DGAT2: variants seen among roughly 807,000 people sequenced by gnomAD.
DGAT2 encodes acyl-CoA retinol O-fatty-acyltransferase.
DGAT2 carries 33 observed loss-of-function variants against 48.4 expected under a neutral mutation model. The observed-to-expected ratio is 0.68, with a 90% confidence interval of 0.52 to 0.91. The LOEUF is 0.91. DGAT2 is among the 40% of genes least tolerant of loss of function. DGAT2 has a pLI of 0.00. For missense variants in DGAT2, 446 were observed against 493.7 expected (o/e 0.90, Z 0.92); for synonymous variants, 191 against 194.1 (o/e 0.98, Z 0.13).
rs140793537 is a variant in DGAT2, at chr11:75,798,307, G to A, written c.890G>A (p.Arg297Gln). The A allele has an allele frequency of 2.9e-3, 4,691 of 1,614,168 alleles. 11 individuals are homozygous for A. The highest frequency in any genetic ancestry group is 3.5e-3 in the Non-Finnish European group (4,121 of 1,180,024). The change falls in exon 7 of 8, where the codon CGA becomes CAA. Residue 297 changes from arginine to glutamine, a missense_variant. Transcript: ENST00000228027. ...QVIFEEGSWG[R>Q]WVQKKFQKYI... ...ATCTTCGAGGAGGGCTCCTGGGGCC[G>A]ATGGGTCCAGAAGAAGTTCCAGAAA...
At chr11:75,791,266 A>T (rs1944986396) in intron 4 of DGAT2, among the ~76,000 whole-genome samples, 1 of 152,128 alleles carries the variant, frequency 6.6e-6, no homozygotes, top group Non-Finnish European at 1.5e-5. Context: ...AGTGACTGAG[A>T]TCCTGGTGTG....
intron 1 of DGAT2, among the ~76,000 whole-genome samples, chr11:75,771,823 ATGT>A (rs1368116241): frequency 6.6e-6 from 1 of 152,116 alleles, no homozygotes; most frequent in Non-Finnish European, 1.5e-5. Flanking sequence ...GCCAAGAGTA[ATGT>A]TGTATTAACA....
At position 75,801,425 on chromosome 11, in the gene DGAT2, G is replaced by C. The variant is rs183018251; in HGVS notation, c.*917G>C. 1 of 152,662 alleles carries C rather than the reference G, an allele frequency of 6.6e-6. No homozygotes were observed. The highest frequency in any genetic ancestry group is 2.4e-5 in the African/African-American group (1 of 41,432). 9.5% of individuals were successfully genotyped at this position (152,662 alleles called of 1,614,324 possible). A position where few individuals can be genotyped will look rare whatever the true frequency, so the allele number is the denominator to read the frequency against. On this transcript the variant is annotated 3_prime_UTR_variant, in exon 8 of 8. Coordinates refer to ENST00000228027, the MANE Select transcript of DGAT2 (RefSeq NM_032564.5). ...TGTGCCTTCCTGAGGGGGTTGGGCCGGGGAGGAAACCCAACCCTCTCCTGT... is the reference window on the plus strand; with the variant it reads ...TGTGCCTTCCTGAGGGGGTTGGGCCCGGGAGGAAACCCAACCCTCTCCTGT...
intron 1 of DGAT2, among the ~76,000 whole-genome samples, chr11:75,782,751 G>C (rs944681375): frequency 1.3e-5 from 2 of 152,214 alleles, no homozygotes; most frequent in African/African-American, 4.8e-5. Flanking sequence ...ATGACCCTCC[G>C]ACTGTGTCCT....
chr11:75,771,144 C>T (rs1944752750), intron 1 of DGAT2, among the ~76,000 whole-genome samples: 1 of 151,968 alleles, frequency 6.6e-6, no homozygotes, highest in South Asian at 2.1e-4. Flanking sequence ...AAATAGATAC[C>T]TTGGCATCTG....
intron 2 of DGAT2, among the ~76,000 whole-genome samples, chr11:75,786,624 ACCTCG>A (rs922298008): frequency 6.6e-6 from 1 of 152,130 alleles, no homozygotes; most frequent in Non-Finnish European, 1.5e-5. Context: ...GCCTGGCCTC[ACCTCG>A]CCTCGCCTCG....
intron 1 of DGAT2, among the ~76,000 whole-genome samples, chr11:75,784,081 G>T (rs1171641425): frequency 6.6e-6 from 1 of 152,086 alleles, no homozygotes; most frequent in Non-Finnish European, 1.5e-5. Flanking sequence ...GGGCAAGAGG[G>T]TTCAGCTCCT....
At chr11:75,780,479 G>A (rs138530525) in intron 1 of DGAT2, among the ~76,000 whole-genome samples, 1 of 152,266 alleles carries the variant, frequency 6.6e-6, no homozygotes, top group East Asian at 1.9e-4. Context: ...TTCATAGATG[G>A]GGAAACTGAA....
chr11:75,797,066 A>G lies in DGAT2; in HGVS notation c.635-92A>G. 5 of 1,310,530 alleles carry G rather than the reference A, an allele frequency of 3.8e-6. No homozygotes were observed. The South Asian group carries it at 7.4e-5, about 19-fold the overall frequency. The allele number at this position is 1,310,530 out of a possible 1,614,324, so 81.2% of individuals were successfully genotyped here. On this transcript the variant is annotated intron_variant, in intron 5 of 7. Coordinates refer to ENST00000228027, the MANE Select transcript of DGAT2 (RefSeq NM_032564.5). ...TGGGCTAGGTCTGGGGCCCAGGTCC[A>G]GGGTTCTTTATGTTTTATACCTGAC... is the stretch of plus-strand genomic sequence containing the variant.
intron 3 of DGAT2, 56 bp downstream of exon 3, chr11:75,790,351 G>A: frequency 7.0e-7 from 1 of 1,424,596 alleles, no homozygotes; most frequent in African/African-American, 1.4e-5. Flanking sequence ...TCTTCCCCCT[G>A]CACAAGCTGA....
At chr11:75,779,082 G>A (rs1944834518) in intron 1 of DGAT2, among the ~76,000 whole-genome samples, 1 of 152,146 alleles carries the variant, frequency 6.6e-6, no homozygotes, top group Admixed American at 6.5e-5. Flanking sequence ...GCCCCGAGGT[G>A]TGGCCTTCCT....
chr11:75,786,735 C>G (rs1944926977), intron 2 of DGAT2, among the ~76,000 whole-genome samples: 1 of 152,210 alleles, frequency 6.6e-6, no homozygotes, highest in Middle Eastern at 3.2e-3. Context: ...CCCTCTGCCT[C>G]TCAAACCTGC....
At chr11:75,798,568 G>C in intron 7 of DGAT2, 139 bp downstream of exon 7, 1 of 970,634 alleles carries the variant, frequency 1.0e-6, no homozygotes, top group Non-Finnish European at 1.5e-6. Context: ...TTGAAGTGTT[G>C]GGTGCTGATA....
intron 2 of DGAT2, 95 bp downstream of exon 2, chr11:75,784,841 A>G: frequency 1.3e-6 from 2 of 1,551,088 alleles, no homozygotes; most frequent in Admixed American, 1.8e-5. Context: ...GGGTGAGGGA[A>G]TAAGAGTAAC....
intron 2 of DGAT2, among the ~76,000 whole-genome samples, chr11:75,788,897 A>G (rs1183723790): frequency 6.6e-6 from 1 of 152,242 alleles, no homozygotes; most frequent in East Asian, 1.9e-4. Flanking sequence ...ATATGTAGAT[A>G]GTATGATATT....
rs1055066257 is a variant in DGAT2 at position 75,797,062 on chromosome 11, G to C, written c.635-96G>C. 4 of 1,290,240 alleles carry C rather than the reference G, an allele frequency of 3.1e-6. No homozygotes were observed. In the African/African-American group the frequency reaches 4.6e-5, roughly 15 times the overall value. 79.9% of individuals were successfully genotyped at this position (1,290,240 alleles called of 1,614,324 possible). On this transcript the variant is annotated intron_variant, in intron 5 of 7. Coordinates refer to ENST00000228027, the MANE Select transcript of DGAT2 (RefSeq NM_032564.5). ...GGGCTGGGCTAGGTCTGGGGCCCAG[G>C]TCCAGGGTTCTTTATGTTTTATACC...
At position 75,797,346 on chromosome 11, in the gene DGAT2, T is replaced by TAC. The variant is rs149770132; in HGVS notation, c.809+27_809+28dup. Reference sequence around the variant, plus strand: ...CCTGCGTCATGGGTGAGTGCCTCCCTACACACACACACACCCCTCCAGTGC... The same window carrying TAC: ...CCTGCGTCATGGGTGAGTGCCTCCCTACACACACACACACACCCCTCCAGTGC... On this transcript the variant is annotated intron_variant, in intron 6 of 7. Coordinates refer to ENST00000228027, the MANE Select transcript of DGAT2 (RefSeq NM_032564.5). 559 of 1,440,400 alleles carry TAC rather than the reference T, an allele frequency of 3.9e-4. No individual in the cohort carries two copies. The East Asian group carries it at 4.8e-3, about 12-fold the overall frequency. 89.2% of individuals were successfully genotyped at this position (1,440,400 alleles called of 1,614,324 possible). A position where few individuals can be genotyped will look rare whatever the true frequency, so the allele number is the denominator to read the frequency against.
rs1944970997 is a variant in DGAT2, at chr11:75,790,228, T to TA, written c.291_292insA (p.Asp98ArgfsTer16). 1 of 1,614,094 alleles carries TA rather than the reference T, an allele frequency of 6.2e-7. No individual in the cohort carries two copies. Among genetic ancestry groups the TA allele is most frequent in the Non-Finnish European group, 8.5e-7 (1 of 1,180,040 alleles). On this transcript the variant is annotated frameshift_variant, in exon 3 of 8. Transcript: ENST00000228027. LOFTEE classifies it high-confidence loss of function. ...CCATCCTCATGTACATATTCTGCAC[T>TA]GATTGCTGGCTCATCGCTGTGCTCT...
intron 1 of DGAT2, among the ~76,000 whole-genome samples, chr11:75,770,733 G>T (rs1944749222): frequency 6.6e-6 from 1 of 152,036 alleles, no homozygotes; most frequent in African/African-American, 2.4e-5. Context: ...CTAGCGAATG[G>T]TTTTAACCAA....
Sources: gnomAD v4.1 joint callset for allele counts (sites outside exome capture counted in the v4.1 genomes callset) on GRCh38, gnomAD v4.1.1 for gene constraint, MANE v1.5 for transcripts, NCBI Gene and HGNC (gene_info 2026-07-23, HGNC 2026-07-21) for gene names.